ATP8B4: variants seen among roughly 807,000 people sequenced by gnomAD.
The protein encoded by ATP8B4 is ATPase phospholipid transporting 8B4 (putative).
ATP8B4 carries 133 observed loss-of-function variants against 145.6 expected under a neutral mutation model. The observed-to-expected ratio is 0.91, with a 90% CI of 0.79 to 1.05. ATP8B4 has a LOEUF of 1.05. Among genes scored for constraint, ATP8B4 ranks in the 50% least tolerant of loss-of-function variants. The pLI, the probability that ATP8B4 is intolerant of heterozygous loss-of-function variation, is 0.00. For synonymous variants in ATP8B4, 507 were observed against 492.9 expected, an observed-to-expected ratio of 1.03 and a Z score of -0.38; for missense variants, 1,458 against 1,425.2, an observed-to-expected ratio of 1.02 and a Z score of -0.37.
At chr15:49,922,357 T>C (rs778800645) in intron 17 of ATP8B4, 3 of 437,164 alleles carry the variant, frequency 6.9e-6, no homozygotes, top group Non-Finnish European at 9.1e-6. Flanking sequence ...ACACTTATGA[T>C]TCCAGTGTTG....
chr15:49,861,869 G>A (rs181936208), intron 27 of ATP8B4, among the ~76,000 whole-genome samples: 2 of 152,260 alleles, frequency 1.3e-5, no homozygotes, highest in East Asian at 3.9e-4. Flanking sequence ...TACCATGCTT[G>A]TCTCTCTTTT....
intron 8 of ATP8B4, among the ~76,000 whole-genome samples, chr15:49,999,531 T>C (rs1284608116): frequency 1.3e-5 from 2 of 152,010 alleles, no homozygotes; most frequent in Non-Finnish European, 2.9e-5. Flanking sequence ...ACTTAAAGTA[T>C]AATAATAATA....
At position 49,870,549 on chromosome 15, in the gene ATP8B4, G is replaced by C. The variant is rs2033530717; in HGVS notation, c.3028-4065C>G. On this transcript the variant is annotated intron_variant, in intron 25 of 27. Coordinates refer to ENST00000284509, the MANE Select transcript of ATP8B4 (RefSeq NM_024837.4). Reference sequence around the variant, plus strand: ...TTTATAACTGTAATTACAGACCATGGAAATTTCATGGGGTTGTTACCACAA... The same window carrying C: ...TTTATAACTGTAATTACAGACCATGCAAATTTCATGGGGTTGTTACCACAA... 2.6e-5 allele frequency among the ~76,000 whole-genome samples: 4 copies of C among 152,202 alleles called. No individual in the cohort carries two copies. In the South Asian group the frequency reaches 8.3e-4, roughly 32 times the overall value.
chr15:50,064,429 CCTCTGAGAACAGTCT>C (rs1253059243), intron 3 of ATP8B4, among the ~76,000 whole-genome samples: 2 of 152,082 alleles, frequency 1.3e-5, no homozygotes, highest in African/African-American at 4.8e-5. Flanking sequence ...CTGCTTAATT[CCTCTGAGAACAGTCT>C]CTCATTATTC....
At chr15:50,037,558 TC>T (rs2050933458) in intron 6 of ATP8B4, among the ~76,000 whole-genome samples, 1 of 152,164 alleles carries the variant, frequency 6.6e-6, no homozygotes, top group African/African-American at 2.4e-5. Flanking sequence ...ATTAAAAACT[TC>T]CCCAAGACCA....
intron 1 of ATP8B4, among the ~76,000 whole-genome samples, chr15:50,129,964 A>AG (rs2057334710): frequency 4.3e-5 from 6 of 139,994 alleles, no homozygotes; most frequent in Non-Finnish European, 7.7e-5. Flanking sequence ...AAAAAAAAAA[A>AG]AAAAAGAAAG....
In ATP8B4 at chr15:49,987,425, A is replaced by C; in HGVS notation, c.714T>G (p.Asn238Lys). Residue 238 changes from asparagine to lysine, a missense_variant, in exon 10 of 28, where the codon AAT becomes AAG. By Grantham distance (94) the Asn-to-Lys change is moderately conservative. Transcript: ENST00000284509. ...KIILRGCILR[N>K]TSWCFGMVIF... ...TAACCATTCCAAAACACCAGCTGGTATTTCTCAGGATGCAGCCTCTCAGGA... is the reference window on the plus strand; with the variant it reads ...TAACCATTCCAAAACACCAGCTGGTCTTTCTCAGGATGCAGCCTCTCAGGA... The C allele has an allele frequency of 6.2e-7, 1 of 1,613,834 alleles. No homozygotes were observed. Among genetic ancestry groups the C allele is most frequent in the Non-Finnish European group, 8.5e-7 (1 of 1,179,794 alleles).
At chr15:50,167,491 T>A (rs537348426) in intron 1 of ATP8B4, among the ~76,000 whole-genome samples, 1 of 152,334 alleles carries the variant, frequency 6.6e-6, no homozygotes, top group African/African-American at 2.4e-5. Flanking sequence ...TCTAAGGACA[T>A]CTGTCATTGA....
At chr15:50,039,334 C>T (rs2051091972) in intron 5 of ATP8B4, among the ~76,000 whole-genome samples, 1 of 152,168 alleles carries the variant, frequency 6.6e-6, no homozygotes, top group Non-Finnish European at 1.5e-5. Context: ...AAGTACTGAG[C>T]ATTTAAAGCA....
intron 1 of ATP8B4, among the ~76,000 whole-genome samples, chr15:50,117,731 T>A (rs1006233052): frequency 6.6e-6 from 1 of 152,198 alleles, no homozygotes; most frequent in Non-Finnish European, 1.5e-5. Flanking sequence ...CTATTCACAA[T>A]AGCCAAGATA....
At chr15:49,873,380 C>T (rs1346439008) in intron 25 of ATP8B4, among the ~76,000 whole-genome samples, 3 of 152,128 alleles carry the variant, frequency 2.0e-5, no homozygotes, top group Admixed American at 6.5e-5. Flanking sequence ...GAAATGTAGA[C>T]GCAATCTAAC....
At chr15:50,103,499 T>TA (rs896461599) in intron 2 of ATP8B4, among the ~76,000 whole-genome samples, 25 of 151,530 alleles carry the variant, frequency 1.6e-4, no homozygotes, top group African/African-American at 5.6e-4. Flanking sequence ...ATCATAGCCA[T>TA]AAAAAAGATA....
rs539276118 is a variant in ATP8B4, at chr15:49,865,450, G to A, written c.3166+896C>T. On this transcript the variant is annotated intron_variant, in intron 26 of 27. Transcript: ENST00000284509. Reference sequence around the variant, plus strand: ...ATCAAACCCAGGGAGGGGGTTGGGGGGAAACCCCAATTTATAGCCAGCTGG... The same window carrying A: ...ATCAAACCCAGGGAGGGGGTTGGGGAGAAACCCCAATTTATAGCCAGCTGG... Among the ~76,000 whole-genome samples, 15 of 152,280 alleles carry A rather than the reference G, an allele frequency of 9.9e-5. No individual in the cohort carries two copies. The East Asian group carries it at 2.9e-3, about 29-fold the overall frequency.
At chr15:49,968,702 T>A (rs955958099) in intron 13 of ATP8B4, among the ~76,000 whole-genome samples, 3 of 152,194 alleles carry the variant, frequency 2.0e-5, no homozygotes, top group Non-Finnish European at 2.9e-5. Context: ...ATTGTCAATA[T>A]TAGACAGATC....
chr15:49,941,832 T>A (rs2042183823), intron 14 of ATP8B4, among the ~76,000 whole-genome samples: 1 of 152,196 alleles, frequency 6.6e-6, no homozygotes, highest in Non-Finnish European at 1.5e-5. Flanking sequence ...AAATGTGGTA[T>A]ATATACACCG....
intron 14 of ATP8B4, among the ~76,000 whole-genome samples, chr15:49,954,266 C>T (rs1567069377): frequency 6.6e-6 from 1 of 152,082 alleles, no homozygotes; most frequent in Non-Finnish European, 1.5e-5. Flanking sequence ...TTCGTGTATA[C>T]ATATATCCTA....
At chr15:50,035,533 T>C (rs1224489077) in intron 6 of ATP8B4, among the ~76,000 whole-genome samples, 3 of 152,090 alleles carry the variant, frequency 2.0e-5, no homozygotes, top group Admixed American at 2.0e-4. Context: ...GGCCTTAATC[T>C]CCTCATCTTT....
intron 14 of ATP8B4, among the ~76,000 whole-genome samples, chr15:49,954,621 G>A (rs770765843): frequency 2.0e-5 from 3 of 152,002 alleles, no homozygotes; most frequent in South Asian, 2.1e-4. Flanking sequence ...AAATCATAAC[G>A]AGATACCATC....
At position 50,043,260 on chromosome 15, in the gene ATP8B4, T is replaced by C. The variant is rs1326297854; in HGVS notation, c.300+1334A>G. The stretch of plus-strand genomic sequence containing the variant: ...TTTTCCCAAGACTATGTTTTGTCTT[T>C]GAGTGAGAATGACTTCCTTTGGGTT... On this transcript the variant is annotated intron_variant, in intron 5 of 27. Transcript: ENST00000284509. Among the ~76,000 whole-genome samples, 3 of 152,238 alleles carry C rather than the reference T, an allele frequency of 2.0e-5. No individual in the cohort carries two copies. In the East Asian group the frequency reaches 5.8e-4, roughly 29 times the overall value.
Sources: allele counts gnomAD v4.1 joint callset (sites outside exome capture counted in the v4.1 genomes callset), GRCh38; gene constraint gnomAD v4.1.1; transcripts MANE v1.5; gene names NCBI Gene and HGNC (gene_info 2026-07-23, HGNC 2026-07-21).